Variants in PHKB observed in about 807,000 individuals in gnomAD.
PHKB encodes the protein phosphorylase b kinase regulatory subunit beta.
A neutral mutation model predicts 152.1 loss-of-function variants in PHKB; 122 were observed. The observed-to-expected ratio is 0.80, with a 90% CI of 0.69 to 0.93. The LOEUF (loss-of-function observed/expected upper bound fraction) is 0.93. Among genes scored for constraint, PHKB ranks in the 40% least tolerant of loss-of-function variants. The probability of loss-of-function intolerance (pLI) is 0.00; values close to 1 mark genes in which losing one functional copy is unlikely to be tolerated. For missense variants in PHKB, 1,304 were observed against 1,328.4 expected, an observed-to-expected ratio of 0.98 and a Z score of 0.29; for synonymous variants, 436 against 464.9, an observed-to-expected ratio of 0.94 and a Z score of 0.80.
At chr16:47,565,511 G>T (rs139368636) in intron 7 of PHKB, 2 of 1,313,252 alleles carry the variant, frequency 1.5e-6, no homozygotes, top group East Asian at 2.3e-5. Flanking sequence ...TTTAGGGGCT[G>T]ATCAGGTTTG....
At position 47,621,509 on chromosome 16, in the gene PHKB, C is replaced by T. The variant is rs566143610; in HGVS notation, c.1458+10589C>T. Reference sequence around the variant, plus strand: ...ATTTAAGGAAATCATGCATGTGGCTCAGTTTTATCTGGCTCAGTGTGTTCT... The same window carrying T: ...ATTTAAGGAAATCATGCATGTGGCTTAGTTTTATCTGGCTCAGTGTGTTCT... On this transcript the variant is annotated intron_variant, in intron 14 of 30. Transcript: ENST00000323584. Among the ~76,000 whole-genome samples the T allele has an allele frequency of 2.6e-5, 4 of 152,262 alleles. No individual in the cohort carries two copies. The South Asian group carries it at 6.2e-4, about 24-fold the overall frequency.
At chr16:47,470,538 G>C (rs1225971663) in intron 1 of PHKB, among the ~76,000 whole-genome samples, 1 of 152,118 alleles carries the variant, frequency 6.6e-6, no homozygotes, top group Admixed American at 6.5e-5. Context: ...CCAGTTTTGG[G>C]GCTGGTTTAT....
intron 1 of PHKB, among the ~76,000 whole-genome samples, chr16:47,485,102 T>C (rs892945163): frequency 6.6e-6 from 1 of 152,202 alleles, no homozygotes; most frequent in African/African-American, 2.4e-5. Flanking sequence ...TTTTCCACAC[T>C]GTATTTAGTC....
chr16:47,586,703 G>A (rs1476065061), intron 8 of PHKB, among the ~76,000 whole-genome samples: 1 of 152,154 alleles, frequency 6.6e-6, no homozygotes, highest in Non-Finnish European at 1.5e-5. Flanking sequence ...TAGTATTAAA[G>A]TAACATGAAA....
chr16:47,574,702 C>G lies in PHKB; in HGVS notation c.711-5593C>G, dbSNP rs147484152. 5.7e-3 allele frequency among the ~76,000 whole-genome samples: 874 copies of G among 152,228 alleles called. 7 individuals are homozygous for G. The highest frequency in any genetic ancestry group is 0.02 in the African/African-American group (832 of 41,524). On this transcript the variant is annotated intron_variant, in intron 7 of 30. Coordinates refer to ENST00000323584, the MANE Select transcript of PHKB (RefSeq NM_000293.3). ...GGTTCTTTTCAACAACCAGTTCTCA[C>G]GGGAACTCAGACTAAGAACTCACTC...
At chr16:47,482,099 G>A (rs762258612) in intron 1 of PHKB, among the ~76,000 whole-genome samples, 2 of 152,184 alleles carry the variant, frequency 1.3e-5, no homozygotes, top group Admixed American at 6.5e-5. Context: ...CTTGGATTCC[G>A]TATGAGAAAG....
intron 7 of PHKB, among the ~76,000 whole-genome samples, chr16:47,548,389 A>G (rs965441198): frequency 6.6e-6 from 1 of 152,098 alleles, no homozygotes; most frequent in Non-Finnish European, 1.5e-5. Context: ...TGGGCAGATC[A>G]TGAGGCCAGG....
At chr16:47,616,529 A>AT (rs1972518827) in intron 14 of PHKB, among the ~76,000 whole-genome samples, 2 of 138,974 alleles carry the variant, frequency 1.4e-5, no homozygotes, top group Non-Finnish European at 3.3e-5. Flanking sequence ...ATATATTTAT[A>AT]ATATATAAAT....
intron 13 of PHKB, among the ~76,000 whole-genome samples, chr16:47,604,561 A>G (rs1320009420): frequency 1.3e-5 from 2 of 152,224 alleles, no homozygotes; most frequent in African/African-American, 4.8e-5. Flanking sequence ...AGAATCAGCT[A>G]GGCTTTGAAG....
chr16:47,698,602 T>TG lies in PHKB; in HGVS notation c.3144+14_3144+15insG. ...ATTGAAAAACAAGTAAGTACACAGC[T>TG]TTTTTTTTTTTTTTTTTTTTGAGAA... On this transcript the variant is annotated intron_variant, in intron 30 of 30. Coordinates refer to ENST00000323584, the MANE Select transcript of PHKB (RefSeq NM_000293.3). 1.2e-6 allele frequency: 1 copy of TG among 848,314 alleles called. No homozygotes were observed. Among genetic ancestry groups the TG allele is most frequent in the Non-Finnish European group, 1.5e-6 (1 of 660,918 alleles). 52.5% of individuals were successfully genotyped at this position (848,314 alleles called of 1,614,324 possible).
chr16:47,520,965 A>G (rs897426224), intron 6 of PHKB, among the ~76,000 whole-genome samples: 3 of 152,074 alleles, frequency 2.0e-5, no homozygotes, highest in African/African-American at 7.2e-5. Context: ...TTTTTAATAC[A>G]TTATTCTTTC....
At chr16:47,480,864 A>G (rs1969952064) in intron 1 of PHKB, among the ~76,000 whole-genome samples, 2 of 152,338 alleles carry the variant, frequency 1.3e-5, no homozygotes, top group Non-Finnish European at 2.9e-5. Context: ...CTACACTTAG[A>G]ATAGACATGA....
At chr16:47,481,723 C>G (rs903768453) in intron 1 of PHKB, among the ~76,000 whole-genome samples, 1 of 152,202 alleles carries the variant, frequency 6.6e-6, no homozygotes, top group African/African-American at 2.4e-5. Context: ...AAATATTTCA[C>G]TTAAGCCTCA....
intron 16 of PHKB, among the ~76,000 whole-genome samples, chr16:47,646,215 T>A (rs1973116303): frequency 2.6e-5 from 1 of 37,750 alleles, no homozygotes; most frequent in Admixed American, 3.4e-4. Context: ...AAATGATGAG[T>A]TCATGTCCTT....
intron 1 of PHKB, among the ~76,000 whole-genome samples, chr16:47,478,976 T>G (rs374383620): frequency 6.6e-6 from 1 of 152,120 alleles, no homozygotes; most frequent in Non-Finnish European, 1.5e-5. Context: ...GGAGATCTTG[T>G]TTTTGGTGTT....
chr16:47,609,870 G>C (rs760835739), intron 13 of PHKB, among the ~76,000 whole-genome samples: 8 of 152,026 alleles, frequency 5.3e-5, no homozygotes, highest in Non-Finnish European at 1.2e-4. Flanking sequence ...AACTACTTTT[G>C]ATTTTCTTGA....
chr16:47,699,345 T>A lies in PHKB; in HGVS notation c.3261T>A (p.Asp1087Glu). 1 of 1,614,202 alleles carries A rather than the reference T, an allele frequency of 6.2e-7. No individual in the cohort carries two copies. The highest frequency in any genetic ancestry group is 8.5e-7 in the Non-Finnish European group (1 of 1,180,038). Residue 1087 changes from aspartate (D) to glutamate (E), a missense_variant, in exon 31 of 31, where the codon GAT becomes GAA. Coordinates refer to ENST00000323584, the MANE Select transcript of PHKB (RefSeq NM_000293.3). ...LLEGEVKPNNDDPCLIS is the reference protein window; with the variant it reads ...LLEGEVKPNNEDPCLIS ...AAGGAGAAGTCAAGCCAAACAATGATGACCCGTGTCTGATTAGCTAGTGGG... is the reference window on the plus strand; with the variant it reads ...AAGGAGAAGTCAAGCCAAACAATGAAGACCCGTGTCTGATTAGCTAGTGGG...
chr16:47,496,010 T>G (rs1387144785), intron 1 of PHKB, among the ~76,000 whole-genome samples: 11 of 152,142 alleles, frequency 7.2e-5, no homozygotes. Flanking sequence ...TGTTACTATC[T>G]GCGTAAACAT....
intron 13 of PHKB, among the ~76,000 whole-genome samples, chr16:47,598,451 A>T (rs898290863): frequency 3.3e-5 from 5 of 152,208 alleles, no homozygotes; most frequent in African/African-American, 1.2e-4. Flanking sequence ...ATCATCTTTG[A>T]AATAACCTGT....
Sources: allele counts gnomAD v4.1 joint callset (sites outside exome capture counted in the v4.1 genomes callset), GRCh38; gene constraint gnomAD v4.1.1; transcripts MANE v1.5; gene names NCBI Gene and HGNC (gene_info 2026-07-23, HGNC 2026-07-21).